Variants in MYOM1 observed in about 807,000 individuals in gnomAD.
MYOM1 encodes the protein myomesin-1.
MYOM1 carries 164 observed loss-of-function variants against 205.3 expected under a neutral mutation model. The ratio of observed to expected loss-of-function variants is 0.80; its 90% confidence interval spans 0.70 to 0.91. MYOM1 has a LOEUF of 0.91. Ranked by LOEUF, MYOM1 falls within the 40% of genes least tolerant of loss-of-function variation. The pLI is 0.00. For missense variants in MYOM1, 2,011 were observed against 2,127.3 expected (o/e 0.95, Z 1.08); for synonymous variants, 772 against 789.4 (o/e 0.98, Z 0.37).
intron 1 of MYOM1, among the ~76,000 whole-genome samples, chr18:3,216,493 GACAGTA>G (rs2081269028): frequency 6.6e-6 from 1 of 152,196 alleles, no homozygotes; most frequent in South Asian, 2.1e-4. Context: ...GGCTTCTCTA[GACAGTA>G]ACATCTGAGC....
chr18:3,222,562 G>T (rs1368044632), upstream of MYOM1, among the ~76,000 whole-genome samples: 1 of 152,184 alleles, frequency 6.6e-6, no homozygotes, highest in Non-Finnish European at 1.5e-5. Flanking sequence ...ATATTTAAAT[G>T]TATTGATACT....
intron 37 of MYOM1, 146 bp downstream of exon 37, chr18:3,071,688 G>GACTCT (rs1316503457): frequency 1.6e-5 from 12 of 768,532 alleles, no homozygotes; most frequent in African/African-American, 3.5e-5. Context: ...CCTTGTGTTT[G>GACTCT]GTTACTCTGG....
chr18:3,242,713 T>C, the MYOM1 span, among the ~76,000 whole-genome samples: 1 of 152,180 alleles, frequency 6.6e-6, no homozygotes, highest in African/African-American at 2.4e-5. Flanking sequence ...TTCACCATGT[T>C]GGCCAGGCTA....
chr18:3,246,488 T>G, the MYOM1 span: 58,313 of 152,054 alleles, frequency 0.38, 13,516 homozygotes, highest in African/African-American at 0.66. Context: ...AACAGATCAC[T>G]TTTGTTTCAA....
At chr18:3,073,260 TG>T (rs1368720488) in intron 36 of MYOM1, among the ~76,000 whole-genome samples, 1 of 152,182 alleles carries the variant, frequency 6.6e-6, no homozygotes, top group East Asian at 1.9e-4. Context: ...GCTGGGATCC[TG>T]GGTGCCCTCA....
intron 2 of MYOM1, among the ~76,000 whole-genome samples, chr18:3,214,198 G>A (rs1044224135): frequency 6.6e-6 from 1 of 152,110 alleles, no homozygotes; most frequent in African/African-American, 2.4e-5. Context: ...ATATATCTTC[G>A]CAGTAGTTCA....
At chr18:3,207,345 AC>A (rs1365708125) in intron 2 of MYOM1, among the ~76,000 whole-genome samples, 1 of 152,214 alleles carries the variant, frequency 6.6e-6, no homozygotes, top group African/African-American at 2.4e-5. Context: ...AAAGAGTTTA[AC>A]CCCATATTTC....
chr18:3,214,957 G>A lies in MYOM1; in HGVS notation c.267C>T (p.Ala89=). The A allele has an allele frequency of 6.2e-7, 1 of 1,606,690 alleles. No individual in the cohort carries two copies. Among genetic ancestry groups the A allele is most frequent in the Non-Finnish European group, 8.5e-7 (1 of 1,175,426 alleles). Residue 89 remains alanine (A), a synonymous_variant, in exon 2 of 38, where the codon GCC becomes GCT. Transcript: ENST00000356443. ...ACCCATGGGAGGAGCCATAATCGTA[G>A]GCTGAGGCTGCCTTCCGACTGACTT... ...SSEVSRKAAS[A]YDYGSSHGLT...
chr18:3,072,238 A>G (rs2078966751), intron 36 of MYOM1, among the ~76,000 whole-genome samples: 1 of 148,506 alleles, frequency 6.7e-6, no homozygotes. Flanking sequence ...TTTAGTAGAG[A>G]TGGGGTTTTG....
At chr18:3,238,229 C>T in the MYOM1 span, among the ~76,000 whole-genome samples, 35 of 152,192 alleles carry the variant, frequency 2.3e-4, no homozygotes, top group South Asian at 1.5e-3. Context: ...CTAGATTCCT[C>T]GCAATGCACA....
chr18:3,153,482 ATGACTAAGGC>A (rs989533408), intron 11 of MYOM1, among the ~76,000 whole-genome samples: 2 of 152,206 alleles, frequency 1.3e-5, no homozygotes, highest in African/African-American at 4.8e-5. Context: ...TATTTTCACT[ATGACTAAGGC>A]CAGAGGAGAA....
At chr18:3,220,514 T>C (rs2081319460), upstream of MYOM1, among the ~76,000 whole-genome samples, 1 of 152,240 alleles carries the variant, frequency 6.6e-6, no homozygotes, top group Non-Finnish European at 1.5e-5. Context: ...TTCCTGTTCA[T>C]TAACTAAAGC....
intron 36 of MYOM1, among the ~76,000 whole-genome samples, chr18:3,074,203 C>T (rs908032695): frequency 1.3e-5 from 2 of 152,212 alleles, no homozygotes; most frequent in African/African-American, 4.8e-5. Context: ...CAACACCCCA[C>T]TTCCCCCTTG....
At chr18:3,124,673 G>T (rs113980636) in intron 19 of MYOM1, among the ~76,000 whole-genome samples, 3,238 of 151,568 alleles carry the variant, frequency 0.021, 100 homozygotes, top group African/African-American at 0.074. Flanking sequence ...TGTCTCTGTG[G>T]GGGGGGGTTA....
intron 16 of MYOM1, among the ~76,000 whole-genome samples, chr18:3,132,116 G>GTA (rs1567923646): frequency 2.9e-5 from 2 of 68,462 alleles, no homozygotes; most frequent in East Asian, 1.3e-3. Context: ...ATATATGTGT[G>GTA]TGTATATATA....
intron 2 of MYOM1, among the ~76,000 whole-genome samples, chr18:3,211,479 A>G (rs931764442): frequency 2.0e-5 from 3 of 152,232 alleles, no homozygotes; most frequent in Non-Finnish European, 4.4e-5. Context: ...CCAAGACTCT[A>G]CTGAAACCAT....
At chr18:3,208,672 T>C (rs1035036619) in intron 2 of MYOM1, among the ~76,000 whole-genome samples, 1 of 152,218 alleles carries the variant, frequency 6.6e-6, no homozygotes, top group African/African-American at 2.4e-5. Context: ...AGACAAACCT[T>C]AGAATATTGT....
Position 3,152,834 on chromosome 18 carries a change from T to A in MYOM1, c.1644-941A>T, listed in dbSNP as rs1009560544. Among the ~76,000 whole-genome samples the A allele has an allele frequency of 6.6e-6, 1 of 152,024 alleles. No homozygotes were observed. The highest frequency in any genetic ancestry group is 1.5e-5 in the Non-Finnish European group (1 of 67,994). The stretch of plus-strand genomic sequence containing the variant: ...AGAGGTGGCTGGTGTGGGGGGTGTA[T>A]CTCCCCTCCTCACAATCACCTTCCT... On this transcript the variant is annotated intron_variant, in intron 11 of 37. Transcript: ENST00000356443. This position sits in a 1 kb window ranked among gnomAD's most constrained non-coding sequence, Gnocchi z 4.3.
rs116198974 is a variant in MYOM1, at chr18:3,179,954, G to A, written c.930-3820C>T. Among the ~76,000 whole-genome samples, 1,161 of 152,104 alleles carry A rather than the reference G, an allele frequency of 7.6e-3. 14 individuals carry two copies. Among genetic ancestry groups the A allele is most frequent in the African/African-American group, 0.027 (1,104 of 41,452 alleles). On this transcript the variant is annotated intron_variant, in intron 5 of 37. Transcript: ENST00000356443. This position sits in a 1 kb window ranked among gnomAD's most constrained non-coding sequence, Gnocchi z 4.4. ...CAAATGACTCAGTGACACTCAATTC[G>A]GCTTCGGATCAAAAGTATTGCTCAT...
Sources: gnomAD v4.1 joint callset for allele counts (sites outside exome capture counted in the v4.1 genomes callset) on GRCh38, gnomAD v4.1.1 for gene constraint, Gnocchi (gnomAD v3.1) non-coding constraint, MANE v1.5 for transcripts, NCBI Gene and HGNC (gene_info 2026-07-23, HGNC 2026-07-21) for gene names.